The following PSG4 variants were observed in gnomAD, a reference collection of about 807,000 sequenced individuals.
The protein encoded by PSG4 is pregnancy specific beta-1-glycoprotein 4, also known as pregnancy-specific beta-1-glycoprotein 4.
Under a neutral mutation model 44.3 loss-of-function variants are expected in PSG4, and 61 were observed. The observed-to-expected ratio is 1.38, with a 90% CI of 1.12 to 1.70. The LOEUF (loss-of-function observed/expected upper bound fraction) is 1.70, where lower values mean the gene tolerates loss of function less well. Among genes scored for constraint, PSG4 ranks in the 40% most tolerant of loss-of-function variants. The pLI, the probability that PSG4 is intolerant of heterozygous loss-of-function variation, is 0.00. For synonymous variants in PSG4, 248 were observed against 191.3 expected (o/e 1.30, Z -2.45); for missense variants, 677 against 511.7 (o/e 1.32, Z -3.12).
At position 43,204,182 on chromosome 19, in the gene PSG4, A is replaced by G. The variant is rs1240546086; in HGVS notation, c.134T>C (p.Val45Ala). The change falls in exon 2 of 6, where the codon GTT becomes GCT. Residue 45 changes from valine to alanine, a missense_variant. Transcript: ENST00000405312. The stretch of plus-strand genomic sequence containing the variant: ...TAGAAGAACATCCTTCCCCTCAGAA[A>G]CTTTGGGTGGCTGGGCTTCAATCGT... ...QVTIEAQPPK[V>A]SEGKDVLLLV... is the part of the protein sequence containing the mutation. 2 of 1,585,790 alleles carry G rather than the reference A, an allele frequency of 1.3e-6. No homozygotes were observed. The highest frequency in any genetic ancestry group is 1.7e-5 in the Admixed American group (1 of 58,224).
At chr19:43,202,386 G>T (rs1234468672) in intron 2 of PSG4, among the ~76,000 whole-genome samples, 13 of 144,570 alleles carry the variant, frequency 9.0e-5, no homozygotes, top group South Asian at 6.5e-4. Flanking sequence ...GGCTTTAGGG[G>T]CAAGAGGTAG....
intron 3 of PSG4, among the ~76,000 whole-genome samples, chr19:43,195,718 T>C (rs1967216480): frequency 6.6e-6 from 1 of 151,138 alleles, no homozygotes; most frequent in African/African-American, 2.4e-5. Flanking sequence ...AGATGAGTAA[T>C]AATGGGACTT....
chr19:43,205,630 T>C lies in PSG4; in HGVS notation c.-94A>G, dbSNP rs757547222. On this transcript the variant is annotated 5_prime_UTR_variant, in exon 1 of 6. Transcript: ENST00000405312. ...CTGTCAGCTGTGCTGTCCTTCCTCC[T>C]TCTGTGCTGAGCCTCCTCCCGGGGC... The C allele has an allele frequency of 2.7e-4, 354 of 1,328,448 alleles. 32 individuals carry two copies. The highest frequency in any genetic ancestry group is 3.4e-4 in the Non-Finnish European group (343 of 998,262). 82.3% of individuals were successfully genotyped at this position (1,328,448 alleles called of 1,614,324 possible). A position where few individuals can be genotyped will look rare whatever the true frequency, so the allele number is the denominator to read the frequency against.
intron 2 of PSG4, 99 bp from the exon 3 acceptor site, chr19:43,198,374 C>T: frequency 2.7e-6 from 4 of 1,486,016 alleles, no homozygotes; most frequent in Non-Finnish European, 3.6e-6. Flanking sequence ...TCTCAGCCCA[C>T]CCAAGTCCTT....
rs771504170 is a variant in PSG4 at position 43,204,068 on chromosome 19, A to G, written c.248T>C (p.Val83Ala). Reference sequence around the variant, plus strand: ...ATATATAATTCTTTGACCGTCTACTACATATGATGTAATGTAATGGTAGAG... The same window carrying G: ...ATATATAATTCTTTGACCGTCTACTGCATATGATGTAATGTAATGGTAGAG... ...TYLYHYITSY[V>A]VDGQRIIYGP... Residue 83 changes from valine (V) to alanine (A), a missense_variant, in exon 2 of 6, where the codon GTA (valine) becomes GCA (alanine). Coordinates refer to ENST00000405312, the MANE Select transcript of PSG4 (RefSeq NM_002780.5). The G allele has an allele frequency of 3.2e-6, 5 of 1,586,608 alleles. No homozygotes were observed. The highest frequency in any genetic ancestry group is 5.3e-5 in the East Asian group (2 of 37,510).
At chr19:43,205,033 C>A in intron 1 of PSG4, 2 of 225,596 alleles carry the variant, frequency 8.9e-6, no homozygotes, top group South Asian at 5.2e-5. Flanking sequence ...TATTTTGACC[C>A]TCTGGTGTAT....
intron 5 of PSG4, 113 bp from the exon 6 acceptor site, chr19:43,193,501 T>C: frequency 1.4e-6 from 1 of 730,278 alleles, no homozygotes; most frequent in South Asian, 1.4e-5. Context: ...CATCTCTAGT[T>C]TTACCAATGA....
chr19:43,194,043 A>G (rs1967119820), intron 5 of PSG4: 1 of 1,097,632 alleles, frequency 9.1e-7, no homozygotes, highest in South Asian at 1.6e-5. Context: ...CATTTAAAGA[A>G]TCAGCAAATT....
At position 43,198,257 on chromosome 19, in the gene PSG4, G is replaced by T. The variant is rs138406653; in HGVS notation, c.449C>A (p.Ser150Tyr). ...FTLHLETPKPSISSSNLNPRE... is the reference protein window; with the variant it reads ...FTLHLETPKPYISSSNLNPRE... ...GGGATTTAAGTTGCTGCTGGAGATG[G>T]AGGGCTTGGGAGTCTCCACTGTGCA... is the stretch of plus-strand genomic sequence containing the variant. The change falls in exon 3 of 6, where the codon TCC (serine) becomes TAC (tyrosine). Residue 150 changes from serine (S) to tyrosine (Y), a missense_variant. Coordinates refer to ENST00000405312, the MANE Select transcript of PSG4 (RefSeq NM_002780.5). The T allele has an allele frequency of 2.7e-4, 425 of 1,586,628 alleles. 75 individuals are homozygous for T. The African/African-American group carries it at 5.0e-3, about 19-fold the overall frequency.
In PSG4 at chr19:43,199,310, G is replaced by C. The variant is rs145942938; in HGVS notation, c.431-1035C>G. 1.0e-4 allele frequency among the ~76,000 whole-genome samples: 15 copies of C among 145,326 alleles called. 2 individuals are homozygous for C. The highest frequency in any genetic ancestry group is 4.0e-4 in the African/African-American group (15 of 37,872). ...CAGAGAGTAGAATAGTAGTTTGCAG[G>C]AGTTGGGATCAGGGGAATAGGGTGT... On this transcript the variant is annotated intron_variant, in intron 2 of 5. Transcript: ENST00000405312.
At position 43,205,314 on chromosome 19, in the gene PSG4, G is replaced by A. The variant is rs1048759206; in HGVS notation, c.64+159C>T. Among the ~76,000 whole-genome samples, 10 of 142,474 alleles carry A rather than the reference G, an allele frequency of 7.0e-5. 2 individuals carry two copies. The highest frequency in any genetic ancestry group is 1.4e-4 in the Admixed American group (2 of 14,364). The allele number at this position is 142,474 out of a possible 152,430, so 93.5% of individuals were successfully genotyped here. A position where few individuals can be genotyped will look rare whatever the true frequency, so the allele number is the denominator to read the frequency against. ...AGTAGAGACAGGGCTTCACAGTGTT[G>A]GCCAGACTGATCTTGAACTCCTGAT... On this transcript the variant is annotated intron_variant, in intron 1 of 5. Coordinates refer to ENST00000405312, the MANE Select transcript of PSG4 (RefSeq NM_002780.5).
intron 2 of PSG4, among the ~76,000 whole-genome samples, chr19:43,202,796 C>A (rs867996264): frequency 1.4e-5 from 2 of 144,594 alleles, no homozygotes; most frequent in Non-Finnish European, 3.0e-5. Flanking sequence ...TTTGCTCTCA[C>A]TCCTCTGAGG....
intron 3 of PSG4, chr19:43,196,376 G>A (rs1462162726): frequency 6.6e-6 from 1 of 151,612 alleles, no homozygotes; most frequent in Non-Finnish European, 1.5e-5. Context: ...GCAAGGTGGG[G>A]AGGTTCTGGA....
In PSG4 at chr19:43,195,216, T is replaced by C. The variant is rs755045941; in HGVS notation, c.767A>G (p.Asp256Gly). 4.3e-6 allele frequency: 7 copies of C among 1,610,308 alleles called. No individual in the cohort carries two copies. The highest frequency in any genetic ancestry group is 5.9e-6 in the Non-Finnish European group (7 of 1,178,990). ...INNLNPRENKDVLTFTCEPKS... is the reference protein window; with the variant it reads ...INNLNPRENKGVLTFTCEPKS... ...AGGTTCACAGGTGAAGGTTAAGACA[T>C]CCTTATTCTCTCTGGGGTTTAAGTT... Residue 256 changes from aspartate to glycine, a missense_variant, in exon 4 of 6, where the codon GAT (aspartate) becomes GGT (glycine). By Grantham distance (94) the Asp-to-Gly change is moderately conservative. Transcript: ENST00000405312.
chr19:43,195,964 G>A (rs1315090201), intron 3 of PSG4, among the ~76,000 whole-genome samples: 1 of 150,808 alleles, frequency 6.6e-6, no homozygotes, highest in Non-Finnish European at 1.5e-5. Context: ...AAGGGGACAG[G>A]CAAGAGCTGG....
chr19:43,197,913 C>A, intron 3 of PSG4, 84 bp downstream of exon 3: 1 of 1,573,914 alleles, frequency 6.4e-7, no homozygotes, highest in Non-Finnish European at 8.6e-7. Flanking sequence ...TGTACTTGGA[C>A]CTGAGAGGGA....
intron 2 of PSG4, among the ~76,000 whole-genome samples, chr19:43,200,154 G>A (rs796986819): frequency 6.9e-6 from 1 of 145,434 alleles, no homozygotes; most frequent in African/African-American, 2.6e-5. Flanking sequence ...GTTTAAGTTT[G>A]TGTGAAATAG....
chr19:43,198,188 G>A lies in PSG4; in HGVS notation c.518C>T (p.Thr173Ile). Residue 173 changes from threonine to isoleucine, a missense_variant, in exon 3 of 6, where the codon ACT (threonine) becomes ATT (isoleucine). Thr to Ile is a moderately conservative substitution (Grantham distance 89, BLOSUM62 -1). Coordinates refer to ENST00000405312, the MANE Select transcript of PSG4 (RefSeq NM_002780.5). Reference sequence around the variant, plus strand: ...CCACCACTGGTAGCTTGCGGCTGGAGTCGCAGGATCACAGGTTAAGATCAC... The same window carrying A: ...CCACCACTGGTAGCTTGCGGCTGGAATCGCAGGATCACAGGTTAAGATCAC... ...EAVILTCDPA[T>I]PAASYQWWMN... 6.3e-7 allele frequency: 1 copy of A among 1,587,852 alleles called. No homozygotes were observed.
intron 4 of PSG4, 67 bp from the exon 5 acceptor site, chr19:43,194,661 A>G: frequency 1.3e-6 from 2 of 1,557,262 alleles, no homozygotes; most frequent in Non-Finnish European, 1.7e-6. Flanking sequence ...TGGTCTCTTA[A>G]AGGGACACAG....
Sources: allele counts gnomAD v4.1 joint callset (sites outside exome capture counted in the v4.1 genomes callset), GRCh38; gene constraint gnomAD v4.1.1; transcripts MANE v1.5; gene names NCBI Gene and HGNC (gene_info 2026-07-23, HGNC 2026-07-21).